FLRT1: variants seen among roughly 807,000 people sequenced by gnomAD.
FLRT1 encodes fibronectin leucine rich transmembrane protein 1.
A neutral mutation model predicts 30.9 loss-of-function variants in FLRT1; 14 were observed. The ratio of observed to expected loss-of-function variants is 0.45; its 90% confidence interval spans 0.30 to 0.71. The LOEUF is 0.71. Ranked by LOEUF, FLRT1 falls within the 30% of genes least tolerant of loss-of-function variation. FLRT1 has a pLI of 0.08. For missense variants in FLRT1, 737 were observed against 949.2 expected (o/e 0.78, Z 2.94); for synonymous variants, 368 against 430.4 (o/e 0.85, Z 1.80).
chr11:64,056,078 CAGG>C (rs756811156), intron 1 of FLRT1, among the ~76,000 whole-genome samples: 1 of 152,182 alleles, frequency 6.6e-6, no homozygotes, highest in Non-Finnish European at 1.5e-5. Flanking sequence ...TGTATTCAGA[CAGG>C]AGGAGGAAGG....
At chr11:64,050,156 C>G (rs1206187126) in intron 1 of FLRT1, among the ~76,000 whole-genome samples, 1 of 152,090 alleles carries the variant, frequency 6.6e-6, no homozygotes, top group African/African-American at 2.4e-5. Flanking sequence ...CGTCTTCACC[C>G]TGCCACTCCC....
At position 64,105,462 on chromosome 11, in the gene FLRT1, G is replaced by C. The variant is rs1179015221; in HGVS notation, c.-50+1281G>C. On this transcript the variant is annotated intron_variant, in intron 2 of 2. Transcript: ENST00000682287. ...GTTGTGAGCATGTGACCTTGGACAGGTCTGCCCCTCCCTGTATGCCTCCCC... is the reference window on the plus strand; with the variant it reads ...GTTGTGAGCATGTGACCTTGGACAGCTCTGCCCCTCCCTGTATGCCTCCCC... Among the ~76,000 whole-genome samples, 3 of 152,224 alleles carry C rather than the reference G, an allele frequency of 2.0e-5. No homozygotes were observed. The East Asian group carries it at 5.8e-4, about 29-fold the overall frequency.
At chr11:64,055,864 G>C (rs1160860145) in intron 1 of FLRT1, among the ~76,000 whole-genome samples, 1 of 152,200 alleles carries the variant, frequency 6.6e-6, no homozygotes, top group Non-Finnish European at 1.5e-5. Flanking sequence ...TGACTCTTGG[G>C]TCTGCTATTG....
intron 1 of FLRT1, among the ~76,000 whole-genome samples, chr11:64,085,609 C>A (rs866503135): frequency 3.3e-5 from 5 of 152,224 alleles, no homozygotes; most frequent in African/African-American, 7.2e-5. Flanking sequence ...GCCAGCACAG[C>A]GACAGCCTTG....
intron 1 of FLRT1, among the ~76,000 whole-genome samples, chr11:64,098,633 C>A (rs1249616525): frequency 6.6e-6 from 1 of 152,174 alleles, no homozygotes; most frequent in Non-Finnish European, 1.5e-5. Context: ...TCACAAAGAG[C>A]CTTTTCATCT....
Position 64,036,369 on chromosome 11 carries a change from G to A in FLRT1, c.-1038+210G>A, listed in dbSNP as rs1943380184. On this transcript the variant is annotated intron_variant, in intron 1 of 2. Transcript: ENST00000682287. The surrounding 1 kb of genome is among the most constrained non-coding windows in gnomAD (Gnocchi z 5.6). The stretch of plus-strand genomic sequence containing the variant: ...AGTCAAGAGCCAAGCACCAGTAGCG[G>A]TGGCGCTGGCCCCGCCGCGGGGAGG... 6.6e-6 allele frequency among the ~76,000 whole-genome samples: 1 copy of A among 152,146 alleles called. No homozygotes were observed. Among genetic ancestry groups the A allele is most frequent in the Non-Finnish European group, 1.5e-5 (1 of 67,998 alleles).
chr11:64,117,969 C>T lies in FLRT1; in HGVS notation c.1702C>T (p.Leu568=), dbSNP rs751508281. The part of the protein sequence containing the change: ...GGAVALVFLF[L]VLGAICWYVH... ...GGCAGTGGCTCTGGTCTTCCTCTTCCTGGTCCTGGGGGCCATCTGCTGGTA... is the reference window on the plus strand; with the variant it reads ...GGCAGTGGCTCTGGTCTTCCTCTTCTTGGTCCTGGGGGCCATCTGCTGGTA... Residue 568 remains leucine, a synonymous_variant, in exon 3 of 3, where the codon CTG becomes TTG. Transcript: ENST00000682287. The T allele has an allele frequency of 1.2e-6, 2 of 1,613,804 alleles. No individual in the cohort carries two copies. Among genetic ancestry groups the T allele is most frequent in the South Asian group, 2.2e-5 (2 of 91,088 alleles).
chr11:64,109,914 C>T (rs766006736), intron 2 of FLRT1, among the ~76,000 whole-genome samples: 12 of 152,064 alleles, frequency 7.9e-5, no homozygotes, highest in East Asian at 3.9e-4. Flanking sequence ...CACTGGAGCG[C>T]GGAGGACAGA....
At chr11:64,076,478 A>G (rs74354051) in intron 1 of FLRT1, among the ~76,000 whole-genome samples, 3,084 of 152,154 alleles carry the variant, frequency 0.02, 90 homozygotes, top group African/African-American at 0.071. Flanking sequence ...GGACGAATGG[A>G]TGGATGGACG....
chr11:64,047,242 C>G (rs991655969), intron 1 of FLRT1, among the ~76,000 whole-genome samples: 1 of 152,098 alleles, frequency 6.6e-6, no homozygotes, highest in Non-Finnish European at 1.5e-5. Context: ...CAGTCAGATT[C>G]CTCAACTCCT....
At chr11:64,061,091 G>A (rs940812597) in intron 1 of FLRT1, among the ~76,000 whole-genome samples, 14 of 152,190 alleles carry the variant, frequency 9.2e-5, no homozygotes, top group Non-Finnish European at 1.9e-4. Context: ...CCACCTGAGA[G>A]CCTCGCGCTG....
At chr11:64,078,097 C>T (rs562921403) in intron 1 of FLRT1, among the ~76,000 whole-genome samples, 1 of 152,322 alleles carries the variant, frequency 6.6e-6, no homozygotes, top group East Asian at 1.9e-4. Flanking sequence ...CACTGCCCTG[C>T]GCACCTGCCG....
intron 1 of FLRT1, among the ~76,000 whole-genome samples, chr11:64,069,929 C>T (rs1471703481): frequency 6.6e-6 from 1 of 152,122 alleles, no homozygotes; most frequent in Non-Finnish European, 1.5e-5. Context: ...GCACATGTCA[C>T]CCTGAGCCCG....
intron 2 of FLRT1, among the ~76,000 whole-genome samples, chr11:64,111,136 G>A (rs1396424569): frequency 6.6e-6 from 1 of 152,280 alleles, no homozygotes; most frequent in African/African-American, 2.4e-5. Context: ...CTGTGGCCAT[G>A]AGCTGAGCGG....
intron 1 of FLRT1, among the ~76,000 whole-genome samples, chr11:64,066,149 T>C (rs1944001239): frequency 1.3e-5 from 2 of 151,326 alleles, no homozygotes; most frequent in African/African-American, 2.4e-5. Context: ...ATACAAGAAT[T>C]AGCTGGGCAT....
chr11:64,091,198 G>C (rs1944483924), intron 1 of FLRT1, among the ~76,000 whole-genome samples: 1 of 151,936 alleles, frequency 6.6e-6, no homozygotes, highest in Admixed American at 6.5e-5. Context: ...CTGGGGCAAG[G>C]GAAGTGGGCA....
intron 1 of FLRT1, among the ~76,000 whole-genome samples, chr11:64,055,724 C>T (rs913708911): frequency 1.3e-5 from 2 of 152,142 alleles, no homozygotes; most frequent in African/African-American, 4.8e-5. Context: ...GATGATGGGC[C>T]ATGGGAGGGA....
intron 1 of FLRT1, among the ~76,000 whole-genome samples, chr11:64,086,633 C>T (rs1263180320): frequency 6.6e-6 from 1 of 152,190 alleles, no homozygotes; most frequent in East Asian, 1.9e-4. Flanking sequence ...TGCAGCCCCA[C>T]TTCTGTCTGA....
chr11:64,054,371 G>A (rs1158082301), intron 1 of FLRT1, among the ~76,000 whole-genome samples: 1 of 152,228 alleles, frequency 6.6e-6, no homozygotes, highest in African/African-American at 2.4e-5. Context: ...CCAGGAGACT[G>A]AGTGCTTTCG....
Sources: allele counts gnomAD v4.1 joint callset (sites outside exome capture counted in the v4.1 genomes callset), GRCh38; gene constraint gnomAD v4.1.1; non-coding constraint Gnocchi (gnomAD v3.1); transcripts MANE v1.5; gene names NCBI Gene and HGNC (gene_info 2026-07-23, HGNC 2026-07-21).